Variants in MSI2 observed in about 807,000 individuals in gnomAD.
MSI2 encodes the protein musashi RNA binding protein 2.
Under a neutral mutation model 45.6 loss-of-function variants are expected in MSI2, and 17 were observed. The ratio of observed to expected loss-of-function variants is 0.37; its 90% CI spans 0.26 to 0.56. MSI2 has a LOEUF of 0.56. MSI2 is among the 20% of genes least tolerant of loss of function. The pLI is 0.77. For missense variants in MSI2, 293 were observed against 444.2 expected (o/e 0.66, Z 3.06); for synonymous variants, 156 against 158.2 (o/e 0.99, Z 0.11).
chr17:57,564,891 G>A (rs1314243842), intron 7 of MSI2, among the ~76,000 whole-genome samples: 3 of 152,172 alleles, frequency 2.0e-5, no homozygotes, highest in Admixed American at 6.5e-5. Context: ...ACCTCTTGGC[G>A]CAATCGTGAC....
chr17:57,465,919 C>T (rs375535455), intron 6 of MSI2, among the ~76,000 whole-genome samples: 10 of 152,248 alleles, frequency 6.6e-5, no homozygotes, highest in South Asian at 2.1e-4. Context: ...GTCTATTAGG[C>T]GGCAAATGCT....
chr17:57,466,492 G>A (rs1421046759), intron 6 of MSI2, among the ~76,000 whole-genome samples: 1 of 152,168 alleles, frequency 6.6e-6, no homozygotes, highest in Non-Finnish European at 1.5e-5. Context: ...TATTGAAAAT[G>A]TCAGCAGCAG....
In MSI2 at chr17:57,552,181, G is replaced by A. The variant is rs1439194018; in HGVS notation, c.454+22457G>A. Among the ~76,000 whole-genome samples the A allele has an allele frequency of 6.6e-6, 1 of 152,210 alleles. No homozygotes were observed. The highest frequency in any genetic ancestry group is 1.5e-5 in the Non-Finnish European group (1 of 68,048). Reference sequence around the variant, plus strand: ...CCCGACTTCCTCACTAGACCCTCAGGCCATCTGGTCGTGAGGTTTTTACTG... The same window carrying A: ...CCCGACTTCCTCACTAGACCCTCAGACCATCTGGTCGTGAGGTTTTTACTG... On this transcript the variant is annotated intron_variant, in intron 7 of 13. Coordinates refer to ENST00000284073, the MANE Select transcript of MSI2 (RefSeq NM_138962.4). The surrounding 1 kb of genome is among the most constrained non-coding windows in gnomAD (Gnocchi z 4.3).
intron 10 of MSI2, among the ~76,000 whole-genome samples, chr17:57,637,733 A>G (rs1909947983): frequency 6.6e-6 from 1 of 152,208 alleles, no homozygotes; most frequent in East Asian, 1.9e-4. Flanking sequence ...GGAATGATCT[A>G]GTGCTTTAGA....
In MSI2 at chr17:57,674,975, C is replaced by T; in HGVS notation, c.794C>T (p.Ser265Phe). 6.2e-7 allele frequency: 1 copy of T among 1,613,290 alleles called. No homozygotes were observed. Among genetic ancestry groups the T allele is most frequent in the Non-Finnish European group, 8.5e-7 (1 of 1,179,708 alleles). Residue 265 changes from serine to phenylalanine, a missense_variant, in exon 12 of 14, where the codon TCC (serine) becomes TTC (phenylalanine). Physicochemically the swap from Ser to Phe is radical, Grantham distance 155 (BLOSUM62 -2). Transcript: ENST00000284073. ...AAVAAARGSG[S>F]NPARPGGFPG... The stretch of plus-strand genomic sequence containing the variant: ...GGCGCGCCCGCTTCCCCGGCAGGCT[C>T]CAACCCGGCGCGGCCCGGAGGCTTC...
intron 9 of MSI2, chr17:57,618,424 T>C (rs961236813): frequency 3.3e-5 from 5 of 151,460 alleles, no homozygotes; most frequent in Non-Finnish European, 7.4e-5. Flanking sequence ...TAAGAAAGAG[T>C]TGGGGGCCAG....
intron 5 of MSI2, among the ~76,000 whole-genome samples, chr17:57,281,371 C>G (rs925065900): frequency 6.6e-6 from 1 of 152,212 alleles, no homozygotes; most frequent in Admixed American, 6.5e-5. Context: ...TTCCCCGTCT[C>G]TCTGGTGGAT....
intron 5 of MSI2, among the ~76,000 whole-genome samples, chr17:57,398,031 A>G (rs1299322553): frequency 6.6e-6 from 1 of 152,008 alleles, no homozygotes; most frequent in Admixed American, 6.5e-5. Context: ...CCTTTTGGGG[A>G]CTGTGTAGAT....
At chr17:57,492,152 A>G (rs1314009018) in intron 6 of MSI2, among the ~76,000 whole-genome samples, 1 of 152,208 alleles carries the variant, frequency 6.6e-6, no homozygotes, top group African/African-American at 2.4e-5. Context: ...GTAATTCTTG[A>G]CAGTGTTCCT....
chr17:57,260,863 C>T (rs1205535471), intron 4 of MSI2, among the ~76,000 whole-genome samples: 3 of 152,104 alleles, frequency 2.0e-5, no homozygotes, highest in African/African-American at 7.2e-5. Context: ...AACTATCCTC[C>T]GTGCTTCCCA....
At chr17:57,428,759 A>G (rs2077945) in intron 6 of MSI2, among the ~76,000 whole-genome samples, 15,211 of 152,144 alleles carry the variant, frequency 0.1, 846 homozygotes, top group East Asian at 0.22. Flanking sequence ...ATGAAGCTGA[A>G]TTGTGTGAGC....
intron 5 of MSI2, among the ~76,000 whole-genome samples, chr17:57,328,931 G>A (rs990962630): frequency 6.6e-6 from 1 of 152,072 alleles, no homozygotes; most frequent in Non-Finnish European, 1.5e-5. Context: ...TGGGGGCCCC[G>A]ATAGGAATAT....
At chr17:57,551,310 G>A (rs986480796) in intron 7 of MSI2, among the ~76,000 whole-genome samples, 3 of 152,140 alleles carry the variant, frequency 2.0e-5, no homozygotes, top group Admixed American at 6.5e-5. Flanking sequence ...CTTCCTGTGC[G>A]GGTAGGTCCT....
At chr17:57,257,641 A>G in intron 3 of MSI2, 94 bp downstream of exon 3, 1 of 895,118 alleles carries the variant, frequency 1.1e-6, no homozygotes, top group African/African-American at 1.7e-5. Context: ...AGCGGATTAG[A>G]ATGGGGCTCA....
chr17:57,672,639 TCCGTCTAC>T (rs1384687365), intron 11 of MSI2, among the ~76,000 whole-genome samples: 1 of 152,224 alleles, frequency 6.6e-6, no homozygotes, highest in East Asian at 1.9e-4. Context: ...CAAAAAACTT[TCCGTCTAC>T]CACTGCGCCT....
At chr17:57,512,884 G>A (rs2086384653) in intron 6 of MSI2, among the ~76,000 whole-genome samples, 1 of 151,778 alleles carries the variant, frequency 6.6e-6, no homozygotes, top group Non-Finnish European at 1.5e-5. Flanking sequence ...CTTCTGACCA[G>A]CTCGCTGAGG....
intron 6 of MSI2, among the ~76,000 whole-genome samples, chr17:57,460,059 G>A (rs946101753): frequency 4.0e-5 from 6 of 151,852 alleles, no homozygotes; most frequent in African/African-American, 1.2e-4. Flanking sequence ...AACCCGGGGG[G>A]TGGAGGTTGC....
chr17:57,498,326 C>A (rs560083992), intron 6 of MSI2, among the ~76,000 whole-genome samples: 1 of 152,350 alleles, frequency 6.6e-6, no homozygotes, highest in South Asian at 2.1e-4. Context: ...GACGCTTGTT[C>A]TCTTGCTTGT....
At position 57,652,016 on chromosome 17, in the gene MSI2, G is replaced by A. The variant is rs1911187111; in HGVS notation, c.728-83G>A. The A allele has an allele frequency of 1.2e-5, 15 of 1,268,734 alleles. No homozygotes were observed. Among genetic ancestry groups the A allele is most frequent in the Non-Finnish European group, 1.7e-5 (15 of 866,958 alleles). 78.6% of individuals were successfully genotyped at this position (1,268,734 alleles called of 1,614,324 possible). ...TCCTGTCTTTGTGTGGAGGGCGGGG[G>A]GTTGTGTGGCCCGTGACCTAGGTCT... On this transcript the variant is annotated intron_variant, in intron 10 of 13. Coordinates refer to ENST00000284073, the MANE Select transcript of MSI2 (RefSeq NM_138962.4). The surrounding 1 kb of genome is among the most constrained non-coding windows in gnomAD (Gnocchi z 4.1).
Sources: gnomAD v4.1 joint callset for allele counts (sites outside exome capture counted in the v4.1 genomes callset) on GRCh38, gnomAD v4.1.1 for gene constraint, Gnocchi (gnomAD v3.1) non-coding constraint, MANE v1.5 for transcripts, NCBI Gene and HGNC (gene_info 2026-07-23, HGNC 2026-07-21) for gene names.